Variants in PLCXD3 observed in about 807,000 individuals in gnomAD.
PLCXD3 encodes the protein phosphatidylinositol specific phospholipase C X domain containing 3.
In PLCXD3, 19 loss-of-function variants were observed where a neutral mutation model predicts 25.5. That is an observed-to-expected ratio of 0.75 (90% CI 0.52 to 1.09). The LOEUF (loss-of-function observed/expected upper bound fraction) is 1.09, where lower values mean the gene tolerates loss of function less well. Among genes scored for constraint, PLCXD3 ranks in the 50% least tolerant of loss-of-function variants. The pLI is 0.00. For missense variants in PLCXD3, 411 were observed against 388.1 expected (o/e 1.06, Z -0.50); for synonymous variants, 174 against 137.6 (o/e 1.26, Z -1.85).
At chr5:41,362,511 T>A (rs1357623489) in intron 2 of PLCXD3, among the ~76,000 whole-genome samples, 1 of 152,216 alleles carries the variant, frequency 6.6e-6, no homozygotes, top group East Asian at 1.9e-4. Context: ...AATATGTCTA[T>A]TATAGTCATG....
intron 1 of PLCXD3, among the ~76,000 whole-genome samples, chr5:41,488,712 C>T (rs1748578621): frequency 6.8e-6 from 1 of 147,080 alleles, no homozygotes; most frequent in Non-Finnish European, 1.5e-5. Flanking sequence ...TGGTTTTTGG[C>T]TGCATAAATG....
chr5:41,372,292 TCTCTCTCACACA>T (rs1368773855), intron 2 of PLCXD3, among the ~76,000 whole-genome samples: 1 of 134,546 alleles, frequency 7.4e-6, no homozygotes, highest in African/African-American at 3.1e-5. Context: ...TCTCTCTCTC[TCTCTCTCACACA>T]CACACACACA....
chr5:41,381,520 T>C (rs536355450), intron 2 of PLCXD3, among the ~76,000 whole-genome samples: 1 of 152,116 alleles, frequency 6.6e-6, no homozygotes, highest in South Asian at 2.1e-4. Flanking sequence ...GTGATGCATG[T>C]ATAAGCCAAG....
intron 1 of PLCXD3, among the ~76,000 whole-genome samples, chr5:41,449,502 C>T (rs1747578939): frequency 6.6e-6 from 1 of 151,892 alleles, no homozygotes; most frequent in African/African-American, 2.4e-5. Context: ...TTTTTATTGC[C>T]CAAAAGCAGA....
At chr5:41,327,388 A>T (rs551444621) in intron 2 of PLCXD3, among the ~76,000 whole-genome samples, 7 of 150,516 alleles carry the variant, frequency 4.7e-5, no homozygotes, top group South Asian at 2.1e-4. Flanking sequence ...AGAAATTTTT[A>T]AAAAATTTTC....
intron 1 of PLCXD3, 62 bp downstream of exon 1, chr5:41,510,362 A>T: frequency 7.0e-7 from 1 of 1,419,132 alleles, no homozygotes. Context: ...GTGGCAGATA[A>T]AGCAGGGCGG....
At chr5:41,493,118 G>T (rs1408013608) in intron 1 of PLCXD3, among the ~76,000 whole-genome samples, 1 of 152,124 alleles carries the variant, frequency 6.6e-6, no homozygotes, top group Non-Finnish European at 1.5e-5. Context: ...TGGTGTGGAT[G>T]TCCTTTCTGT....
intron 1 of PLCXD3, among the ~76,000 whole-genome samples, chr5:41,433,384 C>T (rs1199389580): frequency 6.6e-6 from 1 of 152,126 alleles, no homozygotes; most frequent in Non-Finnish European, 1.5e-5. Context: ...CCCTCTTGCC[C>T]CTTTTTTTTC....
At chr5:41,467,260 G>A (rs370201727) in intron 1 of PLCXD3, among the ~76,000 whole-genome samples, 2 of 152,068 alleles carry the variant, frequency 1.3e-5, no homozygotes, top group African/African-American at 4.8e-5. Context: ...TAGGTGTGAC[G>A]TGATATGTCA....
intron 2 of PLCXD3, among the ~76,000 whole-genome samples, chr5:41,317,437 T>A (rs891865375): frequency 6.6e-6 from 1 of 152,044 alleles, no homozygotes; most frequent in Non-Finnish European, 1.5e-5. Context: ...AATGCCTAAC[T>A]CTTCAATGTC....
intron 2 of PLCXD3, among the ~76,000 whole-genome samples, chr5:41,358,913 G>T (rs997022489): frequency 1.3e-5 from 2 of 152,094 alleles, no homozygotes; most frequent in Non-Finnish European, 2.9e-5. Flanking sequence ...TTTGCTGAGG[G>T]TTTCAATCAT....
rs143722534 is a variant in PLCXD3, at chr5:41,457,240, C to A, written c.103+53184G>T. On this transcript the variant is annotated intron_variant, in intron 1 of 2. Transcript: ENST00000377801. ...CTCATATCAGACAGCCACTGGAAAG[C>A]GATTTGCATGAACATGTATCTGAGA... Among the ~76,000 whole-genome samples the A allele has an allele frequency of 4.4e-3, 673 of 151,952 alleles. 9 individuals carry two copies. The highest frequency in any genetic ancestry group is 0.015 in the African/African-American group (643 of 41,486).
intron 2 of PLCXD3, among the ~76,000 whole-genome samples, chr5:41,375,597 C>T (rs1446039632): frequency 6.6e-6 from 1 of 152,128 alleles, no homozygotes; most frequent in African/African-American, 2.4e-5. Flanking sequence ...CCTTCATGTT[C>T]TATGTCAATG....
In PLCXD3 at chr5:41,367,523, G is replaced by T. The variant is rs184911415; in HGVS notation, c.812+14303C>A. Among the ~76,000 whole-genome samples the T allele has an allele frequency of 6.7e-4, 102 of 152,042 alleles. No homozygotes were observed. The East Asian group carries it at 0.019, about 28-fold the overall frequency. On this transcript the variant is annotated intron_variant, in intron 2 of 2. Transcript: ENST00000377801. ...TCTTGTAAATTTGTTTAAGTTCCTTGTAGATACTGGATATTAGACCTTTGT... is the reference window on the plus strand; with the variant it reads ...TCTTGTAAATTTGTTTAAGTTCCTTTTAGATACTGGATATTAGACCTTTGT...
intron 1 of PLCXD3, among the ~76,000 whole-genome samples, chr5:41,471,580 G>A (rs1310017838): frequency 6.6e-6 from 1 of 152,068 alleles, no homozygotes; most frequent in Non-Finnish European, 1.5e-5. Context: ...TGTGAAAGAG[G>A]ACTACTCCAA....
intron 2 of PLCXD3, among the ~76,000 whole-genome samples, chr5:41,315,907 T>C (rs1331916787): frequency 6.6e-6 from 1 of 152,132 alleles, no homozygotes; most frequent in Non-Finnish European, 1.5e-5. Flanking sequence ...AGAACTTGAG[T>C]GCCTGCAAAT....
chr5:41,400,986 T>C (rs1746167439), intron 1 of PLCXD3, among the ~76,000 whole-genome samples: 1 of 114,162 alleles, frequency 8.8e-6, no homozygotes, highest in Non-Finnish European at 1.8e-5. Flanking sequence ...TATGTACACA[T>C]GAAAATTTTA....
At chr5:41,442,462 C>T (rs1747407359) in intron 1 of PLCXD3, among the ~76,000 whole-genome samples, 1 of 152,158 alleles carries the variant, frequency 6.6e-6, no homozygotes. Flanking sequence ...CCAAACACCA[C>T]ATTTCTAAGC....
At chr5:41,491,485 T>TCC (rs1333454949) in intron 1 of PLCXD3, among the ~76,000 whole-genome samples, 1 of 152,176 alleles carries the variant, frequency 6.6e-6, no homozygotes, top group Non-Finnish European at 1.5e-5. Flanking sequence ...TTCCTGGGTA[T>TCC]CCTTGTTAAC....
Sources: allele counts gnomAD v4.1 joint callset (sites outside exome capture counted in the v4.1 genomes callset), GRCh38; gene constraint gnomAD v4.1.1; transcripts MANE v1.5; gene names NCBI Gene and HGNC (gene_info 2026-07-23, HGNC 2026-07-21).